The following PTPRN2 variants were observed in gnomAD, a reference collection of about 807,000 sequenced individuals.
The protein encoded by PTPRN2 is receptor-type tyrosine-protein phosphatase N2.
Under a neutral mutation model 118.8 loss-of-function variants are expected in PTPRN2, and 74 were observed. The ratio of observed to expected loss-of-function variants is 0.62; its 90% CI spans 0.52 to 0.76. The LOEUF (loss-of-function observed/expected upper bound fraction) is 0.76. PTPRN2 is among the 30% of genes least tolerant of loss of function. PTPRN2 has a pLI of 0.00. For missense variants in PTPRN2, 1,481 were observed against 1,394.4 expected (o/e 1.06, Z -0.99); for synonymous variants, 641 against 608.0 (o/e 1.05, Z -0.80).
At chr7:158,359,653 C>T (rs552077242) in intron 2 of PTPRN2, among the ~76,000 whole-genome samples, 1 of 152,294 alleles carries the variant, frequency 6.6e-6, no homozygotes, top group East Asian at 1.9e-4. Context: ...TGCACCGTGA[C>T]CATGGCTATT....
intron 3 of PTPRN2, among the ~76,000 whole-genome samples, chr7:158,284,186 C>T (rs1041690765): frequency 3.9e-5 from 6 of 152,170 alleles, no homozygotes; most frequent in Non-Finnish European, 7.3e-5. Context: ...AAGTGTGCAC[C>T]GGACTCACAA....
chr7:158,169,984 G>A (rs2150604348), intron 5 of PTPRN2, among the ~76,000 whole-genome samples: 1 of 152,318 alleles, frequency 6.6e-6, no homozygotes, highest in Middle Eastern at 3.4e-3. Flanking sequence ...GAGCCACTGT[G>A]CCCAGCCATT....
chr7:158,177,231 C>T (rs529911905), intron 5 of PTPRN2, among the ~76,000 whole-genome samples: 4 of 152,274 alleles, frequency 2.6e-5, no homozygotes, highest in African/African-American at 9.6e-5. Context: ...ATTTCTATGT[C>T]CTCATCAAGA....
intron 2 of PTPRN2, among the ~76,000 whole-genome samples, chr7:158,412,473 A>T (rs1174424161): frequency 2.8e-5 from 2 of 70,582 alleles, no homozygotes; most frequent in East Asian, 4.9e-4. Flanking sequence ...CCTCCTCAGC[A>T]CCAGGGCCCA....
At position 158,192,481 on chromosome 7, in the gene PTPRN2, C is replaced by T. The variant is rs770152839; in HGVS notation, c.395G>A (p.Ser132Asn). Residue 132 changes from serine (S) to asparagine (N), a missense_variant, in exon 5 of 23, where the codon AGC becomes AAC. Physicochemically the swap from Ser to Asn is conservative, Grantham distance 46 (BLOSUM62 1). Transcript: ENST00000389418. Reference sequence around the variant, plus strand: ...ACTGTACCTCCTCTCGCTGCCAACGCTGTGTTTTGAGGGCCTGAAAAAGCA... The same window carrying T: ...ACTGTACCTCCTCTCGCTGCCAACGTTGTGTTTTGAGGGCCTGAAAAAGCA... Reference protein sequence around the residue: ...ASSPARPSKHSVGSERRYSRE... With the variant: ...ASSPARPSKHNVGSERRYSRE... 1.3e-5 allele frequency: 21 copies of T among 1,584,288 alleles called. No individual in the cohort carries two copies. The highest frequency in any genetic ancestry group is 1.8e-5 in the Non-Finnish European group (21 of 1,168,780).
rs998863284 is a variant in PTPRN2, at chr7:157,893,130, G to A, written c.1788+5543C>T. ...GAGAACAAAGAAATGTCTGGAGAAG[G>A]CCAGGAAGACAGGCAGGTCAGGGTG... is the stretch of plus-strand genomic sequence containing the variant. On this transcript the variant is annotated intron_variant, in intron 12 of 22. Coordinates refer to ENST00000389418, the MANE Select transcript of PTPRN2 (RefSeq NM_002847.5). This position sits in a 1 kb window ranked among gnomAD's most constrained non-coding sequence, Gnocchi z 4.0. Among the ~76,000 whole-genome samples the A allele has an allele frequency of 6.6e-6, 1 of 152,254 alleles. No individual in the cohort carries two copies. Among genetic ancestry groups the A allele is most frequent in the Non-Finnish European group, 1.5e-5 (1 of 68,050 alleles).
intron 12 of PTPRN2, among the ~76,000 whole-genome samples, chr7:157,697,423 G>C (rs552612927): frequency 5.6e-4 from 68 of 121,162 alleles, no homozygotes; most frequent in Admixed American, 1.3e-3. Context: ...CTGGATCTTA[G>C]TAGAGCCCTC....
intron 5 of PTPRN2, among the ~76,000 whole-genome samples, chr7:158,183,269 A>T (rs1824866712): frequency 6.6e-6 from 1 of 152,074 alleles, no homozygotes; most frequent in Non-Finnish European, 1.5e-5. Context: ...TAAATGGAGG[A>T]TTTAGGCCAT....
chr7:158,508,279 G>A (rs1331567485), intron 1 of PTPRN2, among the ~76,000 whole-genome samples: 2 of 152,216 alleles, frequency 1.3e-5, no homozygotes, highest in African/African-American at 2.4e-5. Context: ...GAAAGCTTTC[G>A]ATGGTCGGCA....
intron 1 of PTPRN2, among the ~76,000 whole-genome samples, chr7:158,532,322 TGCC>T (rs1825309171): frequency 6.6e-6 from 1 of 152,188 alleles, no homozygotes; most frequent in Non-Finnish European, 1.5e-5. Flanking sequence ...GGCTCTTAGA[TGCC>T]CAAAAGCGAC....
At chr7:157,989,832 T>C (rs1445609583) in intron 11 of PTPRN2, among the ~76,000 whole-genome samples, 1 of 151,856 alleles carries the variant, frequency 6.6e-6, no homozygotes. Flanking sequence ...TTCTGCCCAA[T>C]CCCCCGCCTG....
At chr7:157,562,151 C>T (rs1243410379) in intron 21 of PTPRN2, among the ~76,000 whole-genome samples, 1 of 152,178 alleles carries the variant, frequency 6.6e-6, no homozygotes, top group Admixed American at 6.5e-5. Flanking sequence ...GGCCAGGTTG[C>T]CCAGGGCTCT....
intron 13 of PTPRN2, among the ~76,000 whole-genome samples, chr7:157,669,768 A>G (rs1023399236): frequency 3.3e-5 from 5 of 152,226 alleles, no homozygotes; most frequent in African/African-American, 1.2e-4. Context: ...ATCAGTAGGA[A>G]AAAAGCGGCC....
At chr7:157,825,854 G>C (rs1016573304) in intron 12 of PTPRN2, among the ~76,000 whole-genome samples, 1 of 152,204 alleles carries the variant, frequency 6.6e-6, no homozygotes, top group Non-Finnish European at 1.5e-5. Flanking sequence ...AGACCTCAAG[G>C]CTCCAGGAGA....
At chr7:157,580,571 TCCGAGCCC>T (rs1800303485) in intron 17 of PTPRN2, among the ~76,000 whole-genome samples, 1 of 63,334 alleles carries the variant, frequency 1.6e-5, no homozygotes, top group African/African-American at 6.5e-5. Context: ...CACCTGCACA[TCCGAGCCC>T]CTGCACACCC....
intron 3 of PTPRN2, among the ~76,000 whole-genome samples, chr7:158,308,645 T>C (rs1801475744): frequency 6.6e-6 from 1 of 151,592 alleles, no homozygotes; most frequent in African/African-American, 2.4e-5. Context: ...TGGTATTAAT[T>C]CAACTAGATT....
rs111612464 is a variant in PTPRN2, at chr7:157,716,439, A to G, written c.1789-33502T>C. Among the ~76,000 whole-genome samples the G allele has an allele frequency of 7.4e-4, 55 of 74,102 alleles. 3 individuals carry two copies. Among genetic ancestry groups the G allele is most frequent in the South Asian group, 2.6e-3 (6 of 2,280 alleles). The allele number at this position is 74,102 out of a possible 152,430, so 48.6% of individuals were successfully genotyped here. On this transcript the variant is annotated intron_variant, in intron 12 of 22. Coordinates refer to ENST00000389418, the MANE Select transcript of PTPRN2 (RefSeq NM_002847.5). ...CACTGCCTGGCCACGTAGACTCTGC[A>G]GGAACACTGCCTGGCCACGTAGACT...
At chr7:158,148,451 A>ACGCCACG (rs1820436887) in intron 6 of PTPRN2, among the ~76,000 whole-genome samples, 1 of 128,138 alleles carries the variant, frequency 7.8e-6, no homozygotes, top group African/African-American at 3.0e-5. Context: ...ACCCCATCTC[A>ACGCCACG]TGCCACACGT....
chr7:158,262,020 C>T (rs1001149829), intron 3 of PTPRN2, among the ~76,000 whole-genome samples: 9 of 152,170 alleles, frequency 5.9e-5, no homozygotes, highest in Admixed American at 1.3e-4. Context: ...CCGCCCTGAG[C>T]CCCTGGTTCC....
Sources: allele counts gnomAD v4.1 joint callset (sites outside exome capture counted in the v4.1 genomes callset), GRCh38; gene constraint gnomAD v4.1.1; non-coding constraint Gnocchi (gnomAD v3.1); transcripts MANE v1.5; gene names NCBI Gene and HGNC (gene_info 2026-07-23, HGNC 2026-07-21).